Variants in RNF24 observed in about 807,000 individuals in gnomAD.
RNF24 encodes ring finger protein 24.
RNF24 carries 14 observed loss-of-function variants against 20.0 expected under a neutral mutation model. The observed-to-expected ratio is 0.70, with a 90% CI of 0.46 to 1.10. The LOEUF is 1.10. Ranked by LOEUF, RNF24 falls within the 50% of genes least tolerant of loss-of-function variation. The pLI is 0.00. For missense variants in RNF24, 124 were observed against 177.6 expected, an observed-to-expected ratio of 0.70 and a Z score of 1.71; for synonymous variants, 45 against 61.1, an observed-to-expected ratio of 0.74 and a Z score of 1.23.
chr20:3,934,294 A>G lies in RNF24; in HGVS notation c.309-93T>C. 2 of 1,338,280 alleles carry G rather than the reference A, an allele frequency of 1.5e-6. No homozygotes were observed. The highest frequency in any genetic ancestry group is 2.0e-6 in the Non-Finnish European group (2 of 979,884). 82.9% of individuals were successfully genotyped at this position (1,338,280 alleles called of 1,614,324 possible). On this transcript the variant is annotated intron_variant, in intron 5 of 5. Transcript: ENST00000358395. This position sits in a 1 kb window ranked among gnomAD's most constrained non-coding sequence, Gnocchi z 4.0. ...CATCTCCATATCTGTCACCCAGACA[A>G]CGTCTGCTGTATGGTCCAAGGAGCT...
chr20:3,943,833 G>T (rs543652926), intron 4 of RNF24, among the ~76,000 whole-genome samples: 9 of 152,248 alleles, frequency 5.9e-5, no homozygotes, highest in African/African-American at 1.4e-4. Flanking sequence ...TCATCAAAAA[G>T]ACTCCAAATG....
At chr20:3,944,343 G>A (rs1398078064) in intron 4 of RNF24, among the ~76,000 whole-genome samples, 2 of 151,788 alleles carry the variant, frequency 1.3e-5, no homozygotes, top group Admixed American at 6.6e-5. Flanking sequence ...AGGACCAATA[G>A]ATGATTTCAA....
chr20:3,974,889 T>C (rs1248870141), intron 1 of RNF24, among the ~76,000 whole-genome samples: 1 of 152,064 alleles, frequency 6.6e-6, no homozygotes, highest in Non-Finnish European at 1.5e-5. Flanking sequence ...ATTTTTTTTT[T>C]GTAGATATAG....
Position 3,967,230 on chromosome 20 carries a change from C to G in RNF24, c.-7-3206G>C, listed in dbSNP as rs553050375. On this transcript the variant is annotated intron_variant, in intron 1 of 5. Coordinates refer to ENST00000358395, the MANE Select transcript of RNF24 (RefSeq NM_001134337.3). ...TCATCTTAGTAATATGCATTCTTTG[C>G]TATTGAAGTCTTACAAATATAAGTT... Among the ~76,000 whole-genome samples, 68 of 152,230 alleles carry G rather than the reference C, an allele frequency of 4.5e-4. No individual in the cohort carries two copies. The South Asian group carries it at 0.011, about 24-fold the overall frequency.
chr20:4,009,498 C>A (rs1982261753), intron 1 of RNF24, among the ~76,000 whole-genome samples: 1 of 152,022 alleles, frequency 6.6e-6, no homozygotes, highest in Admixed American at 6.6e-5. Flanking sequence ...CGACAGGAGA[C>A]AGAAAACATG....
intron 1 of RNF24, among the ~76,000 whole-genome samples, chr20:3,986,049 G>T (rs142909735): frequency 6.6e-6 from 1 of 151,622 alleles, no homozygotes; most frequent in East Asian, 2.0e-4. Flanking sequence ...CACCATGCCT[G>T]GCCATTTTCT....
rs977731112 is a variant in RNF24 at position 3,929,194 on chromosome 20, A to C, written c.*4869T>G. On this transcript the variant is annotated 3_prime_UTR_variant, in exon 6 of 6. Coordinates refer to ENST00000358395, the MANE Select transcript of RNF24 (RefSeq NM_001134337.3). ...TTCAAAGTGTGTGCACAGAGTGAGG[A>C]GGCCAGCCTGGGCAACATAGTGAGT... is the stretch of plus-strand genomic sequence containing the variant. The C allele has an allele frequency of 6.6e-5, 10 of 152,238 alleles. No homozygotes were observed. The highest frequency in any genetic ancestry group is 8.8e-5 in the Non-Finnish European group (6 of 68,086). The allele number at this position is 152,238 out of a possible 1,614,324, so 9.4% of individuals were successfully genotyped here. A position where few individuals can be genotyped will look rare whatever the true frequency, so the allele number is the denominator to read the frequency against.
chr20:3,963,856 T>C lies in RNF24; in HGVS notation c.143+19A>G, dbSNP rs369077562. On this transcript the variant is annotated intron_variant, in intron 2 of 5. Coordinates refer to ENST00000358395, the MANE Select transcript of RNF24 (RefSeq NM_001134337.3). ...TTATTTAACATATTTTGAAGTAACATAGAATGAAAATTGGTTACCTAATCA... is the reference window on the plus strand; with the variant it reads ...TTATTTAACATATTTTGAAGTAACACAGAATGAAAATTGGTTACCTAATCA... 1.1e-5 allele frequency: 17 copies of C among 1,528,324 alleles called. No individual in the cohort carries two copies. The Admixed American group carries it at 1.2e-4, about 10-fold the overall frequency. 94.7% of individuals were successfully genotyped at this position (1,528,324 alleles called of 1,614,324 possible). A position where few individuals can be genotyped will look rare whatever the true frequency, so the allele number is the denominator to read the frequency against.
chr20:3,933,867 G>T lies in RNF24; in HGVS notation c.*196C>A. The T allele has an allele frequency of 2.4e-6, 1 of 417,538 alleles. No homozygotes were observed. Among genetic ancestry groups the T allele is most frequent in the Non-Finnish European group, 4.2e-6 (1 of 240,554 alleles). The allele number at this position is 417,538 out of a possible 1,614,324, so 25.9% of individuals were successfully genotyped here. The stretch of plus-strand genomic sequence containing the variant: ...TCCACTCCTCTTCTCTCGGCAGGGG[G>T]TAGTGTCAAAGTGCTTTGGTTGTCA... On this transcript the variant is annotated 3_prime_UTR_variant, in exon 6 of 6. Transcript: ENST00000358395.
chr20:3,956,145 T>G (rs988331168), intron 2 of RNF24, among the ~76,000 whole-genome samples: 1 of 152,160 alleles, frequency 6.6e-6, no homozygotes, highest in East Asian at 1.9e-4. Context: ...TTGTTCTGGC[T>G]AGAACTTCCA....
intron 3 of RNF24, among the ~76,000 whole-genome samples, chr20:3,946,532 T>C (rs1198962594): frequency 6.6e-6 from 1 of 151,070 alleles, no homozygotes; most frequent in Non-Finnish European, 1.5e-5. Context: ...CTACAAAAAG[T>C]ACAAAAATTA....
At chr20:3,952,103 T>G (rs1339774473) in intron 2 of RNF24, among the ~76,000 whole-genome samples, 1 of 151,948 alleles carries the variant, frequency 6.6e-6, no homozygotes, top group Non-Finnish European at 1.5e-5. Context: ...ATGACTGGCT[T>G]GGTTATTCTT....
chr20:3,941,068 C>T (rs73086508), intron 4 of RNF24, among the ~76,000 whole-genome samples: 17,727 of 152,204 alleles, frequency 0.12, 1,388 homozygotes, highest in Non-Finnish European at 0.17. Context: ...CTGTCACCTA[C>T]GCTTGAGTGC....
intron 1 of RNF24, among the ~76,000 whole-genome samples, chr20:3,996,455 C>G (rs1483575159): frequency 2.0e-5 from 3 of 152,132 alleles, no homozygotes; most frequent in Non-Finnish European, 4.4e-5. Flanking sequence ...AAACAGAAGC[C>G]TCCTTCTCTA....
At chr20:3,993,818 G>A (rs998227390) in intron 1 of RNF24, among the ~76,000 whole-genome samples, 3 of 152,122 alleles carry the variant, frequency 2.0e-5, no homozygotes, top group Non-Finnish European at 4.4e-5. Flanking sequence ...TGGCAACAAG[G>A]TATATATTTT....
At chr20:3,986,398 CAT>C (rs1471895351) in intron 1 of RNF24, among the ~76,000 whole-genome samples, 3 of 151,860 alleles carry the variant, frequency 2.0e-5, no homozygotes, top group African/African-American at 7.3e-5. Flanking sequence ...ACTACAGGCA[CAT>C]GTCACCATAC....
In RNF24 at chr20:3,933,034, G is replaced by C. The variant is rs1191790499; in HGVS notation, c.*1029C>G. Reference sequence around the variant, plus strand: ...CAGAATTACACAGGGATCTTATTTGGGATAAAGTGTTAAAAAGTGAATGAC... The same window carrying C: ...CAGAATTACACAGGGATCTTATTTGCGATAAAGTGTTAAAAAGTGAATGAC... On this transcript the variant is annotated 3_prime_UTR_variant, in exon 6 of 6. Coordinates refer to ENST00000358395, the MANE Select transcript of RNF24 (RefSeq NM_001134337.3). 2.6e-6 allele frequency: 1 copy of C among 386,922 alleles called. No individual in the cohort carries two copies. Among genetic ancestry groups the C allele is most frequent in the Non-Finnish European group, 4.5e-6 (1 of 220,842 alleles). 24.0% of individuals were successfully genotyped at this position (386,922 alleles called of 1,614,324 possible). A position where few individuals can be genotyped will look rare whatever the true frequency, so the allele number is the denominator to read the frequency against.
At chr20:4,011,807 T>C (rs906530247) in intron 1 of RNF24, among the ~76,000 whole-genome samples, 22 of 152,158 alleles carry the variant, frequency 1.4e-4, no homozygotes, top group African/African-American at 5.3e-4. Flanking sequence ...GACCTAACTG[T>C]CAAGTATGAG....
intron 2 of RNF24, among the ~76,000 whole-genome samples, chr20:3,956,850 A>G (rs1325020294): frequency 6.6e-6 from 1 of 152,314 alleles, no homozygotes; most frequent in East Asian, 1.9e-4. Flanking sequence ...TCACATAAAG[A>G]AACTATTTTC....
Sources: gnomAD v4.1 joint callset for allele counts (sites outside exome capture counted in the v4.1 genomes callset) on GRCh38, gnomAD v4.1.1 for gene constraint, Gnocchi (gnomAD v3.1) non-coding constraint, MANE v1.5 for transcripts, NCBI Gene and HGNC (gene_info 2026-07-23, HGNC 2026-07-21) for gene names.